The following WWOX variants were observed in gnomAD, a reference collection of about 807,000 sequenced individuals.
WWOX encodes WW domain-containing oxidoreductase.
WWOX carries 69 observed loss-of-function variants against 46.2 expected under a neutral mutation model. The observed-to-expected ratio is 1.49, with a 90% confidence interval of 1.23 to 1.82. The LOEUF (loss-of-function observed/expected upper bound fraction) is 1.82, where lower values mean the gene tolerates loss of function less well. WWOX is among the 40% of genes most tolerant of loss of function. The probability of loss-of-function intolerance (pLI) is 0.00; values close to 1 mark genes in which losing one functional copy is unlikely to be tolerated. For synonymous variants in WWOX, 359 were observed against 202.6 expected (o/e 1.77, Z -6.56); for missense variants, 919 against 542.6 (o/e 1.69, Z -6.89).
At chr16:78,588,575 AC>A (rs2045274985) in intron 8 of WWOX, among the ~76,000 whole-genome samples, 1 of 152,122 alleles carries the variant, frequency 6.6e-6, no homozygotes, top group Admixed American at 6.5e-5. Flanking sequence ...TGCCTGGAGG[AC>A]CAGTTAGTCT....
Position 78,246,518 on chromosome 16 carries a change from G to C in WWOX, c.516+82229G>C, listed in dbSNP as rs148467523. 6.9e-3 allele frequency among the ~76,000 whole-genome samples: 1,048 copies of C among 152,256 alleles called. 17 individuals carry two copies. Among genetic ancestry groups the C allele is most frequent in the African/African-American group, 0.024 (1,015 of 41,548 alleles). ...AAGGCATCTTTCAGTGCCATTTTTG[G>C]CTGATGTTTGGAATGGTTCCATCAA... On this transcript the variant is annotated intron_variant, in intron 5 of 8. Transcript: ENST00000566780.
chr16:79,060,872 C>T (rs759292726), intron 8 of WWOX, among the ~76,000 whole-genome samples: 8 of 152,124 alleles, frequency 5.3e-5, no homozygotes, highest in Non-Finnish European at 1.2e-4. Flanking sequence ...TTAATTAAAG[C>T]TTATTGTATG....
At chr16:78,774,374 C>T (rs1430819817) in intron 8 of WWOX, among the ~76,000 whole-genome samples, 1 of 152,124 alleles carries the variant, frequency 6.6e-6, no homozygotes, top group Non-Finnish European at 1.5e-5. Context: ...GCACTCCAGT[C>T]TGGTGACAGA....
At position 79,184,589 on chromosome 16, in the gene WWOX, C is replaced by G. The variant is rs78657094; in HGVS notation, c.1057-27019C>G. ...CACCCACTCTGCAACTCTCCAAGCTCCAGCCCTGTAGTGCCAGCCTGTACC... is the reference window on the plus strand; with the variant it reads ...CACCCACTCTGCAACTCTCCAAGCTGCAGCCCTGTAGTGCCAGCCTGTACC... On this transcript the variant is annotated intron_variant, in intron 8 of 8. Transcript: ENST00000566780. Among the ~76,000 whole-genome samples, 819 of 152,334 alleles carry G rather than the reference C, an allele frequency of 5.4e-3. 8 individuals carry two copies. Among genetic ancestry groups the G allele is most frequent in the African/African-American group, 0.019 (780 of 41,576 alleles).
intron 8 of WWOX, among the ~76,000 whole-genome samples, chr16:79,105,294 A>G (rs774314890): frequency 7.9e-5 from 12 of 152,320 alleles, no homozygotes; most frequent in Non-Finnish European, 1.6e-4. Context: ...TTTTAGATGT[A>G]GAAAGGGTAG....
At chr16:78,451,885 C>T (rs753213921) in intron 8 of WWOX, among the ~76,000 whole-genome samples, 19 of 152,232 alleles carry the variant, frequency 1.2e-4, no homozygotes, top group East Asian at 3.9e-4. Context: ...CTTGGGGAGC[C>T]GCCATCATTC....
intron 8 of WWOX, among the ~76,000 whole-genome samples, chr16:79,081,648 G>A (rs996768117): frequency 6.6e-6 from 1 of 152,110 alleles, no homozygotes; most frequent in Non-Finnish European, 1.5e-5. Context: ...CATTATATTT[G>A]AGTGAGACCC....
chr16:78,582,015 GTT>G (rs2045068678), intron 8 of WWOX, among the ~76,000 whole-genome samples: 1 of 152,116 alleles, frequency 6.6e-6, no homozygotes. Flanking sequence ...TAAATATTTC[GTT>G]TGTAGACAAG....
intron 8 of WWOX, among the ~76,000 whole-genome samples, chr16:79,207,788 CTTTT>C (rs35405085): frequency 2.7e-5 from 4 of 150,702 alleles, no homozygotes; most frequent in Admixed American, 2.6e-4. Flanking sequence ...TATGTGGGTG[CTTTT>C]TTTTTCTTTA....
chr16:78,833,106 A>G (rs977362640), intron 8 of WWOX, among the ~76,000 whole-genome samples: 1 of 151,596 alleles, frequency 6.6e-6, no homozygotes, highest in Admixed American at 6.6e-5. Context: ...CAGTGGTACA[A>G]TCAGAGATCA....
intron 8 of WWOX, among the ~76,000 whole-genome samples, chr16:78,732,114 G>A (rs1009078546): frequency 2.6e-5 from 4 of 151,990 alleles, no homozygotes; most frequent in East Asian, 1.9e-4. Flanking sequence ...TCCTCCTGCC[G>A]TGGTCTCCAA....
At chr16:78,252,564 A>G (rs2038012102) in intron 5 of WWOX, among the ~76,000 whole-genome samples, 1 of 152,172 alleles carries the variant, frequency 6.6e-6, no homozygotes, top group South Asian at 2.1e-4. Context: ...CCCGTTAGGC[A>G]TTTCTTTTAG....
rs543517520 is a variant in WWOX, at chr16:78,822,618, AGT to A, written c.1057-388988_1057-388987del. Among the ~76,000 whole-genome samples the A allele has an allele frequency of 7.9e-5, 12 of 152,306 alleles. No individual in the cohort carries two copies. The South Asian group carries it at 2.1e-3, about 26-fold the overall frequency. The stretch of plus-strand genomic sequence containing the variant: ...AGAGCCTAGATATTCACTAGAACCC[AGT>A]GGTCACGTGTTCCTAATGGGTGGAA... On this transcript the variant is annotated intron_variant, in intron 8 of 8. Coordinates refer to ENST00000566780, the MANE Select transcript of WWOX (RefSeq NM_016373.4).
intron 8 of WWOX, among the ~76,000 whole-genome samples, chr16:79,181,512 A>G (rs1387879818): frequency 6.6e-6 from 1 of 152,052 alleles, no homozygotes; most frequent in African/African-American, 2.4e-5. Flanking sequence ...TTTACTTAAC[A>G]CTATGCAGAA....
At chr16:78,421,747 C>T (rs1043368751) in intron 6 of WWOX, among the ~76,000 whole-genome samples, 3 of 152,124 alleles carry the variant, frequency 2.0e-5, no homozygotes, top group Admixed American at 6.5e-5. Flanking sequence ...CTGGCTAAAA[C>T]TTGATCTGCT....
intron 8 of WWOX, among the ~76,000 whole-genome samples, chr16:78,854,742 A>G (rs6564610): frequency 1 from 151,847 of 152,186 alleles, 75,765 homozygotes; most frequent in Middle Eastern, 1. Flanking sequence ...CACCACTCCC[A>G]GCTACTTTTT....
At chr16:78,856,722 C>T (rs191725057) in intron 8 of WWOX, among the ~76,000 whole-genome samples, 35 of 152,276 alleles carry the variant, frequency 2.3e-4, no homozygotes, top group Admixed American at 1.2e-3. Context: ...AAAAAATGTA[C>T]TATCTTATGA....
At chr16:78,184,349 C>T (rs985094533) in intron 5 of WWOX, among the ~76,000 whole-genome samples, 1 of 152,108 alleles carries the variant, frequency 6.6e-6, no homozygotes, top group Non-Finnish European at 1.5e-5. Flanking sequence ...TTGGTGTTTT[C>T]TCATGATGCC....
At chr16:78,690,678 G>T (rs1327335846) in intron 8 of WWOX, among the ~76,000 whole-genome samples, 1 of 144,650 alleles carries the variant, frequency 6.9e-6, no homozygotes, top group African/African-American at 2.5e-5. Flanking sequence ...CTGGTTCTTT[G>T]TCTTGTCCCT....
Sources: gnomAD v4.1 joint callset for allele counts (sites outside exome capture counted in the v4.1 genomes callset) on GRCh38, gnomAD v4.1.1 for gene constraint, MANE v1.5 for transcripts, NCBI Gene and HGNC (gene_info 2026-07-23, HGNC 2026-07-21) for gene names.